The following KCNH1 variants were observed in gnomAD, a reference collection of about 807,000 sequenced individuals.
KCNH1 encodes potassium voltage-gated channel subfamily H member 1, also known as voltage-gated delayed rectifier potassium channel KCNH1.
Under a neutral mutation model 69.2 loss-of-function variants are expected in KCNH1, and 27 were observed. That is an observed-to-expected ratio of 0.39 (90% CI 0.29 to 0.54). KCNH1 has a LOEUF of 0.54. KCNH1 is among the 20% of genes least tolerant of loss of function. KCNH1 has a pLI of 0.68. For synonymous variants in KCNH1, 456 were observed against 487.7 expected (o/e 0.93, Z 0.86); for missense variants, 798 against 1,261.6 (o/e 0.63, Z 5.57).
At chr1:210,992,716 G>A (rs372720015) in intron 6 of KCNH1, among the ~76,000 whole-genome samples, 35 of 151,970 alleles carry the variant, frequency 2.3e-4, no homozygotes, top group East Asian at 1.9e-3. Flanking sequence ...GAATCTTTTC[G>A]TTTTTATACA....
intron 5 of KCNH1, among the ~76,000 whole-genome samples, chr1:211,037,958 C>CTTT (rs749586546): frequency 1.8e-4 from 22 of 123,122 alleles, no homozygotes; most frequent in African/African-American, 2.9e-4. Flanking sequence ...GCTTCTCCCT[C>CTTT]TTTTTTTTTT....
chr1:210,827,913 C>T (rs867637803), intron 7 of KCNH1, among the ~76,000 whole-genome samples: 10 of 152,194 alleles, frequency 6.6e-5, no homozygotes, highest in East Asian at 1.9e-4. Flanking sequence ...TGATCTCGGC[C>T]GATGGCAACC....
intron 10 of KCNH1, among the ~76,000 whole-genome samples, chr1:210,732,242 C>A (rs1378961655): frequency 2.0e-5 from 3 of 151,812 alleles, no homozygotes; most frequent in African/African-American, 7.3e-5. Context: ...TGTGGCTCCT[C>A]TGGGGGTACA....
intron 10 of KCNH1, among the ~76,000 whole-genome samples, chr1:210,765,995 G>A (rs771676219): frequency 6.6e-6 from 1 of 152,050 alleles, no homozygotes; most frequent in African/African-American, 2.4e-5. Flanking sequence ...CCCGGGAGGT[G>A]GAGGTTGCAG....
chr1:210,880,996 A>C (rs1345754955), intron 7 of KCNH1, among the ~76,000 whole-genome samples: 1 of 151,590 alleles, frequency 6.6e-6, no homozygotes, highest in African/African-American at 2.4e-5. Context: ...CCATCAGGGA[A>C]ATTCAAATTA....
rs1685494499 is a variant in KCNH1, at chr1:210,844,459, A to G, written c.1463-40293T>C. 2.6e-5 allele frequency among the ~76,000 whole-genome samples: 4 copies of G among 152,204 alleles called. No individual in the cohort carries two copies. The South Asian group carries it at 8.3e-4, about 31-fold the overall frequency. On this transcript the variant is annotated intron_variant, in intron 7 of 10. Coordinates refer to ENST00000271751, the MANE Select transcript of KCNH1 (RefSeq NM_172362.3). ...CGCTCAACTACATGGAAACTGAACA[A>G]CCTGCTCCTGAATGACTACTGGGTA...
chr1:211,010,815 A>G (rs1235443202), intron 6 of KCNH1, among the ~76,000 whole-genome samples: 7 of 152,138 alleles, frequency 4.6e-5, no homozygotes, highest in African/African-American at 7.2e-5. Context: ...ATTTCTTTGA[A>G]GAAGGACCAA....
intron 7 of KCNH1, among the ~76,000 whole-genome samples, chr1:210,850,802 A>T (rs1342957022): frequency 6.6e-6 from 1 of 152,194 alleles, no homozygotes; most frequent in Non-Finnish European, 1.5e-5. Flanking sequence ...GAGGAAAGGG[A>T]AAATAGGCTT....
At chr1:210,707,399 G>T (rs1574195859) in intron 10 of KCNH1, among the ~76,000 whole-genome samples, 2 of 152,296 alleles carry the variant, frequency 1.3e-5, no homozygotes, top group African/African-American at 2.4e-5. Flanking sequence ...TTGACCCAGA[G>T]TCTCCTCCCA....
chr1:211,080,267 T>C (rs1419333617), intron 5 of KCNH1, among the ~76,000 whole-genome samples: 7 of 152,260 alleles, frequency 4.6e-5, no homozygotes, highest in Admixed American at 4.6e-4. Context: ...ACAAGGGATG[T>C]GAAGGACCCC....
chr1:210,977,094 C>T (rs1054341459), intron 6 of KCNH1, among the ~76,000 whole-genome samples: 3 of 152,160 alleles, frequency 2.0e-5, no homozygotes, highest in Non-Finnish European at 2.9e-5. Flanking sequence ...CACATATACA[C>T]CATGGAATAC....
chr1:210,869,484 C>CGTGTGTGTGTGTGT (rs61235458), intron 7 of KCNH1, among the ~76,000 whole-genome samples: 2 of 136,930 alleles, frequency 1.5e-5, no homozygotes, highest in Admixed American at 7.5e-5. Flanking sequence ...AGTTATAAGT[C>CGTGTGTGTGTGTGT]GTGTGTGTGT....
rs572491605 is a variant in KCNH1, at chr1:210,946,240, T to C, written c.1033-26171A>G. ...TCCTAGGGGTCTGAGGCATGGCTTG[T>C]ACTTTCTGTGGGAACTTAGGGAGCA... On this transcript the variant is annotated intron_variant, in intron 6 of 10. Transcript: ENST00000271751. 1.1e-3 allele frequency among the ~76,000 whole-genome samples: 164 copies of C among 152,268 alleles called. 2 individuals carry two copies. Among genetic ancestry groups the C allele is most frequent in the Non-Finnish European group, 4.1e-4 (28 of 68,012 alleles).
intron 6 of KCNH1, among the ~76,000 whole-genome samples, chr1:210,942,795 T>C (rs1177414445): frequency 6.6e-6 from 1 of 151,704 alleles, no homozygotes; most frequent in African/African-American, 2.4e-5. Context: ...ATATCTGAAA[T>C]AATGAAAACT....
chr1:210,725,621 G>A (rs1441921472), intron 10 of KCNH1, among the ~76,000 whole-genome samples: 1 of 152,178 alleles, frequency 6.6e-6, no homozygotes, highest in African/African-American at 2.4e-5. Context: ...CGATGAACAG[G>A]CTTTTAATGC....
At chr1:210,848,615 C>G (rs752347014) in intron 7 of KCNH1, among the ~76,000 whole-genome samples, 4 of 152,120 alleles carry the variant, frequency 2.6e-5, no homozygotes, top group African/African-American at 7.2e-5. Context: ...TTCTCTGTCC[C>G]ATCTTTTGAA....
intron 6 of KCNH1, among the ~76,000 whole-genome samples, chr1:211,001,004 A>C (rs1300403874): frequency 6.6e-6 from 1 of 152,030 alleles, no homozygotes; most frequent in African/African-American, 2.4e-5. Context: ...CCTTATATGA[A>C]CATTAATTCA....
intron 7 of KCNH1, chr1:210,860,444 T>A: frequency 1.1e-6 from 1 of 926,708 alleles, no homozygotes; most frequent in South Asian, 1.3e-5. Flanking sequence ...TCAATTGTAT[T>A]CAGAATTCCC....
chr1:211,025,229 T>C (rs2102418345), intron 5 of KCNH1, among the ~76,000 whole-genome samples: 1 of 152,286 alleles, frequency 6.6e-6, no homozygotes, highest in South Asian at 2.1e-4. Flanking sequence ...CCCTCTTGTG[T>C]CATAGGAACT....
Sources: allele counts gnomAD v4.1 joint callset (sites outside exome capture counted in the v4.1 genomes callset), GRCh38; gene constraint gnomAD v4.1.1; transcripts MANE v1.5; gene names NCBI Gene and HGNC (gene_info 2026-07-23, HGNC 2026-07-21).